The following NAV2 variants were observed in gnomAD, a reference collection of about 807,000 sequenced individuals.
The protein encoded by NAV2 is helicase, APC down-regulated 1.
A neutral mutation model predicts 223.2 loss-of-function variants in NAV2; 54 were observed. The observed-to-expected ratio is 0.24, with a 90% confidence interval of 0.19 to 0.30. The LOEUF (loss-of-function observed/expected upper bound fraction) is 0.30, where lower values mean the gene tolerates loss of function less well. Ranked by LOEUF, NAV2 falls within the 10% of genes least tolerant of loss-of-function variation. NAV2 has a pLI of 1.00. For synonymous variants in NAV2, 1,279 were observed against 1,239.3 expected (o/e 1.03, Z -0.67); for missense variants, 2,806 against 3,147.5 (o/e 0.89, Z 2.60).
chr11:19,744,519 C>T (rs2053164161), intron 1 of NAV2, among the ~76,000 whole-genome samples: 1 of 151,996 alleles, frequency 6.6e-6, no homozygotes, highest in Non-Finnish European at 1.5e-5. Flanking sequence ...TAGTTCTCTG[C>T]TTATGGCTTC....
intron 1 of NAV2, among the ~76,000 whole-genome samples, chr11:19,596,884 A>G (rs1471540434): frequency 6.6e-6 from 1 of 152,224 alleles, no homozygotes; most frequent in Non-Finnish European, 1.5e-5. Context: ...CGGCAAACCC[A>G]GTAGGTAGGT....
intron 1 of NAV2, among the ~76,000 whole-genome samples, chr11:19,599,905 T>C (rs2046309301): frequency 6.6e-6 from 1 of 152,230 alleles, no homozygotes; most frequent in Non-Finnish European, 1.5e-5. Flanking sequence ...TCAATGGGTA[T>C]ATCTCTTCCT....
intron 1 of NAV2, among the ~76,000 whole-genome samples, chr11:19,411,799 G>T (rs141825184): frequency 6.6e-6 from 1 of 152,116 alleles, no homozygotes; most frequent in South Asian, 2.1e-4. Flanking sequence ...CTGGCATCTC[G>T]TTTTGGTACA....
chr11:20,082,686 G>C lies in NAV2; in HGVS notation c.5326-321G>C. On this transcript the variant is annotated intron_variant, in intron 25 of 37. Coordinates refer to ENST00000349880, the MANE Select transcript of NAV2 (RefSeq NM_145117.5). ...CTCATCCGCATCCATCACCGTGTCT[G>C]AGCATCCTGCTTTGTTGCTGTGTAA... 2.3e-6 allele frequency: 3 copies of C among 1,317,892 alleles called. No homozygotes were observed. The South Asian group carries it at 3.6e-5, about 16-fold the overall frequency. The allele number at this position is 1,317,892 out of a possible 1,614,324, so 81.6% of individuals were successfully genotyped here. A position where few individuals can be genotyped will look rare whatever the true frequency, so the allele number is the denominator to read the frequency against.
In NAV2 at chr11:19,383,596, A is replaced by T. The variant is rs139474064; in HGVS notation, c.75+32569A>T. Among the ~76,000 whole-genome samples the T allele has an allele frequency of 4.9e-4, 75 of 152,314 alleles. 1 individual carries two copies. Among genetic ancestry groups the T allele is most frequent in the African/African-American group, 1.7e-3 (70 of 41,580 alleles). On this transcript the variant is annotated intron_variant, in intron 1 of 37. Transcript: ENST00000360655. ...AGAATCAAGTTTTGAAACAGCACAG[A>T]CTTCGGCGTCACACACAACTGAGTT...
At chr11:19,627,696 G>A (rs773888537) in intron 1 of NAV2, among the ~76,000 whole-genome samples, 4 of 152,074 alleles carry the variant, frequency 2.6e-5, no homozygotes, top group South Asian at 2.1e-4. Flanking sequence ...TCTCAGAGCC[G>A]AAGGAAGCCT....
rs545865985 is a variant in NAV2, at chr11:19,597,177, C to T, written c.76-235307C>T. Among the ~76,000 whole-genome samples, 3 of 152,354 alleles carry T rather than the reference C, an allele frequency of 2.0e-5. No individual in the cohort carries two copies. The East Asian group carries it at 5.8e-4, about 29-fold the overall frequency. On this transcript the variant is annotated intron_variant, in intron 1 of 37. Coordinates refer to the NAV2 transcript ENST00000360655. ...ATCTGTAAAACAGGGCCTAGTGGTA[C>T]TTCCTTCCTCAGGCTGTTAGGAAGA...
intron 9 of NAV2, among the ~76,000 whole-genome samples, chr11:19,947,674 A>C (rs2153364145): frequency 6.6e-6 from 1 of 152,342 alleles, no homozygotes; most frequent in South Asian, 2.1e-4. Context: ...CTGGGCTGCA[A>C]GAAACTGCAG....
rs2041601292 is a variant in NAV2, at chr11:19,892,655, C to T, written c.931+61C>T. ...TCCTTCAGAGCACATCTACCTAGTT[C>T]CTTCGGGTGAATTGGGTTGGGTCAT... On this transcript the variant is annotated intron_variant, in intron 6 of 37. Coordinates refer to ENST00000349880, the MANE Select transcript of NAV2 (RefSeq NM_145117.5). The T allele has an allele frequency of 5.1e-6, 8 of 1,553,550 alleles. No individual in the cohort carries two copies. The Admixed American group carries it at 1.3e-4, about 24-fold the overall frequency.
At chr11:19,957,686 GC>G (rs1348451773) in intron 10 of NAV2, among the ~76,000 whole-genome samples, 1 of 152,200 alleles carries the variant, frequency 6.6e-6, no homozygotes, top group African/African-American at 2.4e-5. Context: ...TGAGCTGCTA[GC>G]CCACTGGAGG....
upstream of NAV2, among the ~76,000 whole-genome samples, chr11:19,708,281 C>T (rs550916444): frequency 4.6e-5 from 7 of 152,238 alleles, no homozygotes; most frequent in Non-Finnish European, 8.8e-5. Flanking sequence ...TGTGCCATCT[C>T]GGAGATGTCT....
At chr11:20,115,979 A>G (rs1165679442) in intron 37 of NAV2, among the ~76,000 whole-genome samples, 1 of 152,212 alleles carries the variant, frequency 6.6e-6, no homozygotes, top group Admixed American at 6.5e-5. Context: ...TACTCTACCA[A>G]TATAAGACCC....
At chr11:20,023,008 C>A in intron 11 of NAV2, 1 of 1,503,668 alleles carries the variant, frequency 6.7e-7, no homozygotes, top group South Asian at 1.2e-5. Flanking sequence ...GATTCCCTGG[C>A]CCAGTGTGGG....
At chr11:19,612,878 A>C (rs1235434567) in intron 1 of NAV2, among the ~76,000 whole-genome samples, 3 of 152,134 alleles carry the variant, frequency 2.0e-5, no homozygotes, top group Non-Finnish European at 4.4e-5. Context: ...ACTGGTACCA[A>C]TTTACTGTAT....
chr11:19,973,830 T>C (rs1186584737), intron 10 of NAV2, among the ~76,000 whole-genome samples: 1 of 152,184 alleles, frequency 6.6e-6, no homozygotes, highest in East Asian at 1.9e-4. Flanking sequence ...CTGTGTGTTG[T>C]CCATAATGCT....
chr11:19,455,998 C>A (rs1323181155), intron 1 of NAV2, among the ~76,000 whole-genome samples: 2 of 152,168 alleles, frequency 1.3e-5, no homozygotes, highest in Non-Finnish European at 2.9e-5. Flanking sequence ...GCCAGCCCTG[C>A]AGAGGGGGAG....
intron 10 of NAV2, among the ~76,000 whole-genome samples, chr11:19,962,870 A>T (rs1221694681): frequency 6.6e-6 from 1 of 152,198 alleles, no homozygotes; most frequent in Non-Finnish European, 1.5e-5. Flanking sequence ...AGTGGGAGAC[A>T]GGGTCTGTGG....
intron 26 of NAV2, among the ~76,000 whole-genome samples, chr11:20,088,134 G>A (rs994902765): frequency 3.9e-5 from 6 of 152,150 alleles, no homozygotes; most frequent in African/African-American, 1.4e-4. Context: ...TTGGGCATTA[G>A]GATTAGGGAC....
At chr11:19,653,929 G>C (rs1332774164) in intron 1 of NAV2, among the ~76,000 whole-genome samples, 1 of 152,142 alleles carries the variant, frequency 6.6e-6, no homozygotes, top group African/African-American at 2.4e-5. Flanking sequence ...TAGAATCTTA[G>C]GGGTGACCAG....
Sources: gnomAD v4.1 joint callset for allele counts (sites outside exome capture counted in the v4.1 genomes callset) on GRCh38, gnomAD v4.1.1 for gene constraint, MANE v1.5 for transcripts, NCBI Gene and HGNC (gene_info 2026-07-23, HGNC 2026-07-21) for gene names.